PARD3B: variants seen among roughly 807,000 people sequenced by gnomAD.
The protein encoded by PARD3B is par-3 family cell polarity regulator beta.
PARD3B carries 103 observed loss-of-function variants against 130.2 expected under a neutral mutation model. The observed-to-expected ratio is 0.79, with a 90% CI of 0.67 to 0.93. The LOEUF is 0.93. Ranked by LOEUF, PARD3B falls within the 40% of genes least tolerant of loss-of-function variation. PARD3B has a pLI of 0.00. For missense variants in PARD3B, 1,609 were observed against 1,499.2 expected (o/e 1.07, Z -1.21); for synonymous variants, 583 against 553.2 (o/e 1.05, Z -0.76).
chr2:204,601,628 C>T (rs2125105837), intron 1 of PARD3B, among the ~76,000 whole-genome samples: 1 of 149,410 alleles, frequency 6.7e-6, no homozygotes, highest in South Asian at 2.1e-4. Context: ...ACAAGAAAAA[C>T]AATCAATGTA....
At chr2:204,631,896 A>G (rs2034692843) in intron 1 of PARD3B, among the ~76,000 whole-genome samples, 1 of 152,184 alleles carries the variant, frequency 6.6e-6, no homozygotes, top group Admixed American at 6.5e-5. Context: ...TATGGGTTGC[A>G]ATTTTTTTAA....
chr2:205,261,062 G>A (rs548706704), intron 16 of PARD3B, among the ~76,000 whole-genome samples: 3 of 152,138 alleles, frequency 2.0e-5, no homozygotes, highest in African/African-American at 7.2e-5. Context: ...TTTTTTGTTT[G>A]TTGAAGGGCT....
chr2:205,585,904 C>T lies in PARD3B; in HGVS notation c.3261-29552C>T, dbSNP rs1053127056. Among the ~76,000 whole-genome samples, 1 of 152,196 alleles carries T rather than the reference C, an allele frequency of 6.6e-6. No homozygotes were observed. The highest frequency in any genetic ancestry group is 1.5e-5 in the Non-Finnish European group (1 of 68,034). On this transcript the variant is annotated intron_variant, in intron 22 of 22. Transcript: ENST00000406610. This position sits in a 1 kb window ranked among gnomAD's most constrained non-coding sequence, Gnocchi z 5.4. ...GGTGGTCACGGGAACCCACATCTTACATTCAACAGAGCAGCCTACGTCCAC... is the reference window on the plus strand; with the variant it reads ...GGTGGTCACGGGAACCCACATCTTATATTCAACAGAGCAGCCTACGTCCAC...
chr2:204,555,828 A>G (rs1196779757), intron 1 of PARD3B, among the ~76,000 whole-genome samples: 2 of 152,058 alleles, frequency 1.3e-5, no homozygotes, highest in Non-Finnish European at 2.9e-5. Context: ...TGCTTCTTTC[A>G]TAGTTTCCAT....
chr2:205,451,688 G>GTATA (rs35082767), intron 20 of PARD3B, among the ~76,000 whole-genome samples: 1,693 of 143,754 alleles, frequency 0.012, 12 homozygotes, highest in African/African-American at 0.014. Context: ...TATGTAATAG[G>GTATA]TATATATATA....
intron 3 of PARD3B, among the ~76,000 whole-genome samples, chr2:204,994,636 G>C (rs567255795): frequency 6.6e-6 from 1 of 152,060 alleles, no homozygotes; most frequent in African/African-American, 2.4e-5. Flanking sequence ...GGGTATCCTT[G>C]TTGACTCTGT....
At chr2:205,381,076 T>A (rs1340307956) in intron 18 of PARD3B, among the ~76,000 whole-genome samples, 4 of 22,206 alleles carry the variant, frequency 1.8e-4, no homozygotes, top group Admixed American at 5.7e-4. Flanking sequence ...ATATTATATA[T>A]ATTATATATA....
chr2:205,360,408 A>T (rs2044347424), intron 18 of PARD3B, among the ~76,000 whole-genome samples: 1 of 148,388 alleles, frequency 6.7e-6, no homozygotes, highest in Non-Finnish European at 1.5e-5. Context: ...GGCTTTTAGG[A>T]TCTTAAGAAA....
intron 10 of PARD3B, among the ~76,000 whole-genome samples, chr2:205,137,530 G>C (rs564657241): frequency 7.0e-4 from 107 of 152,140 alleles, no homozygotes; most frequent in Non-Finnish European, 1.3e-3. Flanking sequence ...TAAGTTCTAT[G>C]TTTTAGTTAT....
intron 21 of PARD3B, among the ~76,000 whole-genome samples, chr2:205,521,048 C>T (rs558392239): frequency 6.6e-6 from 1 of 151,104 alleles, no homozygotes; most frequent in South Asian, 2.1e-4. Flanking sequence ...AAATTTGGCA[C>T]ATATTACTCA....
intron 21 of PARD3B, among the ~76,000 whole-genome samples, chr2:205,524,026 ATTATC>A (rs1412064786): frequency 6.6e-6 from 1 of 151,814 alleles, no homozygotes; most frequent in Non-Finnish European, 1.5e-5. Flanking sequence ...TGAAAATTCT[ATTATC>A]TTTAGGTTTT....
chr2:204,762,116 A>ATTTTT (rs968166780), intron 2 of PARD3B, among the ~76,000 whole-genome samples: 251 of 95,292 alleles, frequency 2.6e-3, no homozygotes, highest in African/African-American at 3.0e-3. Context: ...TTCTTTTTCT[A>ATTTTT]TTTTTTTTTT....
chr2:205,018,672 C>T (rs573038857), intron 3 of PARD3B, among the ~76,000 whole-genome samples: 11 of 120,438 alleles, frequency 9.1e-5, no homozygotes, highest in Non-Finnish European at 1.4e-4. Flanking sequence ...GTTACAATTA[C>T]ACCTTATAAG....
chr2:204,726,765 C>T (rs2039247954), intron 2 of PARD3B, among the ~76,000 whole-genome samples: 1 of 152,154 alleles, frequency 6.6e-6, no homozygotes, highest in African/African-American at 2.4e-5. Flanking sequence ...TTGCTGGAAA[C>T]TTTTCTTTTT....
intron 2 of PARD3B, among the ~76,000 whole-genome samples, chr2:204,902,668 CAAAAAAAA>C (rs5837941): frequency 3.0e-5 from 2 of 67,658 alleles, no homozygotes; most frequent in Admixed American, 1.7e-4. Context: ...GACTCTGTCT[CAAAAAAAA>C]AAAAAAAAAA....
intron 22 of PARD3B, among the ~76,000 whole-genome samples, chr2:205,580,977 C>T (rs2053943238): frequency 6.6e-6 from 1 of 152,010 alleles, no homozygotes. Flanking sequence ...GTATAAAATA[C>T]CAGGATACTT....
At chr2:205,266,105 G>A (rs549641199) in intron 16 of PARD3B, among the ~76,000 whole-genome samples, 11 of 152,092 alleles carry the variant, frequency 7.2e-5, no homozygotes, top group Admixed American at 3.3e-4. Context: ...TTAGACTTCC[G>A]TTTCAAGGGA....
At chr2:204,565,684 C>T (rs1007045654) in intron 1 of PARD3B, among the ~76,000 whole-genome samples, 1 of 152,076 alleles carries the variant, frequency 6.6e-6, no homozygotes, top group Non-Finnish European at 1.5e-5. Context: ...CTTCAAGTGC[C>T]GAGGTGTACA....
At chr2:204,717,127 G>A (rs912010651) in intron 2 of PARD3B, among the ~76,000 whole-genome samples, 2 of 152,136 alleles carry the variant, frequency 1.3e-5, no homozygotes, top group Admixed American at 1.3e-4. Flanking sequence ...TAGTCGTGAT[G>A]ATAGGCTAAA....
Sources: gnomAD v4.1 joint callset for allele counts (sites outside exome capture counted in the v4.1 genomes callset) on GRCh38, gnomAD v4.1.1 for gene constraint, Gnocchi (gnomAD v3.1) non-coding constraint, MANE v1.5 for transcripts, NCBI Gene and HGNC (gene_info 2026-07-23, HGNC 2026-07-21) for gene names.